The following MDGA2 variants were observed in gnomAD, a reference collection of about 807,000 sequenced individuals.
MDGA2 encodes MAM domain containing glycosylphosphatidylinositol anchor 2, also known as MAM domain-containing glycosylphosphatidylinositol anchor protein 2.
In MDGA2, 40 loss-of-function variants were observed where a neutral mutation model predicts 117.8. That is an observed-to-expected ratio of 0.34 (90% confidence interval 0.26 to 0.44). The LOEUF (loss-of-function observed/expected upper bound fraction) is 0.44. MDGA2 is among the 20% of genes least tolerant of loss of function. MDGA2 has a pLI of 1.00. For synonymous variants in MDGA2, 452 were observed against 439.0 expected (o/e 1.03, Z -0.37); for missense variants, 1,123 against 1,250.6 (o/e 0.90, Z 1.54).
chr14:47,475,880 G>A (rs1442549895), intron 1 of MDGA2, among the ~76,000 whole-genome samples: 1 of 152,118 alleles, frequency 6.6e-6, no homozygotes, highest in Non-Finnish European at 1.5e-5. Context: ...TTAATACCTA[G>A]GTGATGGGTT....
At chr14:47,007,618 T>A (rs994830480) in intron 8 of MDGA2, among the ~76,000 whole-genome samples, 9 of 151,844 alleles carry the variant, frequency 5.9e-5, no homozygotes, top group African/African-American at 1.9e-4. Context: ...CGTAGCCTGT[T>A]TAGAATGTAA....
intron 3 of MDGA2, among the ~76,000 whole-genome samples, chr14:47,193,028 A>T (rs1368825803): frequency 2.6e-5 from 4 of 152,236 alleles, no homozygotes; most frequent in African/African-American, 7.2e-5. Flanking sequence ...TGTATTTTTT[A>T]AAAATCCCAA....
intron 3 of MDGA2, among the ~76,000 whole-genome samples, chr14:47,151,133 G>C (rs1883147798): frequency 6.6e-6 from 1 of 152,138 alleles, no homozygotes; most frequent in Non-Finnish European, 1.5e-5. Context: ...AGTGCCCTCA[G>C]AATCAACTCA....
chr14:46,960,091 T>G (rs1265151257), intron 8 of MDGA2, among the ~76,000 whole-genome samples: 1 of 151,780 alleles, frequency 6.6e-6, no homozygotes, highest in Non-Finnish European at 1.5e-5. Flanking sequence ...GCATGTGGCG[T>G]GTGGCTGTAG....
intron 8 of MDGA2, among the ~76,000 whole-genome samples, chr14:47,026,065 A>G (rs964656807): frequency 6.6e-6 from 1 of 152,216 alleles, no homozygotes; most frequent in African/African-American, 2.4e-5. Flanking sequence ...GTCACATAAT[A>G]TAACCCAACG....
At chr14:47,272,904 T>C (rs1465372052) in intron 2 of MDGA2, among the ~76,000 whole-genome samples, 9 of 152,138 alleles carry the variant, frequency 5.9e-5, no homozygotes, top group Admixed American at 3.9e-4. Context: ...TGAAGGTAAT[T>C]GGTTACTATA....
At chr14:47,361,496 C>T (rs1165524922) in intron 1 of MDGA2, among the ~76,000 whole-genome samples, 1 of 152,012 alleles carries the variant, frequency 6.6e-6, no homozygotes, top group Non-Finnish European at 1.5e-5. Flanking sequence ...GCAGAGAAAA[C>T]TTTAGGGTTA....
chr14:47,184,632 T>G (rs1016915314), intron 3 of MDGA2, among the ~76,000 whole-genome samples: 7 of 151,820 alleles, frequency 4.6e-5, no homozygotes, highest in African/African-American at 1.7e-4. Context: ...CTATGACACT[T>G]CTTTAAAAAT....
chr14:47,061,462 G>T lies in MDGA2; in HGVS notation c.1312C>A (p.Leu438Ile), dbSNP rs370828108. 1.2e-6 allele frequency: 2 copies of T among 1,613,522 alleles called. No homozygotes were observed. Among genetic ancestry groups the T allele is most frequent in the South Asian group, 2.2e-5 (2 of 91,066 alleles). Reference protein sequence around the residue: ...CQVEAVPSEELTFSWFKNGRP... With the variant: ...CQVEAVPSEEITFSWFKNGRP... ...CCATTTTTAAACCAACTAAATGTTA[G>T]CTCCTCAGAAGGAACAGCTTCTACT... The change falls in exon 7 of 17, where the codon CTA becomes ATA. Residue 438 changes from leucine to isoleucine, a missense_variant. Physicochemically the swap from Leu to Ile is conservative, Grantham distance 5 (BLOSUM62 2). Transcript: ENST00000399232.
chr14:47,074,382 T>G (rs1890412982), intron 6 of MDGA2, among the ~76,000 whole-genome samples: 1 of 151,850 alleles, frequency 6.6e-6, no homozygotes. Context: ...CTCGGCTCAC[T>G]GCAAGCTCCG....
intron 1 of MDGA2, among the ~76,000 whole-genome samples, chr14:47,514,288 C>T (rs1418117065): frequency 1.3e-5 from 2 of 152,002 alleles, no homozygotes; most frequent in Non-Finnish European, 2.9e-5. Context: ...GCAATGCCCC[C>T]AAGTTCCTGA....
At chr14:46,871,938 A>C (rs972148500) in intron 14 of MDGA2, 7 of 365,798 alleles carry the variant, frequency 1.9e-5, no homozygotes, top group African/African-American at 1.4e-4. Flanking sequence ...CCTTGAGACC[A>C]GCCTGGGCAA....
At chr14:47,310,569 T>C (rs1311588184) in intron 1 of MDGA2, among the ~76,000 whole-genome samples, 2 of 152,146 alleles carry the variant, frequency 1.3e-5, no homozygotes, top group African/African-American at 4.8e-5. Flanking sequence ...TTTCCTCTTC[T>C]TTGGTATGAA....
In MDGA2 at chr14:47,131,764, A is replaced by G; in HGVS notation, c.875T>C (p.Val292Ala). ...CACCATCTTATCAGGAATATTACAT[A>G]CATTCCTCACTGAAGCAATGCAGCT... Reference protein sequence around the residue: ...NYSCIASVRNVCNIPDKMVSF... With the variant: ...NYSCIASVRNACNIPDKMVSF... The change falls in exon 5 of 17, where the codon GTA becomes GCA. Residue 292 changes from valine (V) to alanine (A), a missense_variant. Around this residue, in one of 2 missense-constraint regions of MDGA2, gnomAD observed 890 missense variants for 1,050.3 expected, o/e 0.85. Transcript: ENST00000399232. 6.3e-7 allele frequency: 1 copy of G among 1,587,778 alleles called. No homozygotes were observed. The highest frequency in any genetic ancestry group is 8.6e-7 in the Non-Finnish European group (1 of 1,161,162).
chr14:47,619,132 C>T (rs1897001351), intron 1 of MDGA2, among the ~76,000 whole-genome samples: 1 of 132,156 alleles, frequency 7.6e-6, no homozygotes, highest in East Asian at 2.7e-4. Flanking sequence ...CACACACACA[C>T]ACACACACAC....
intron 9 of MDGA2, among the ~76,000 whole-genome samples, chr14:46,931,089 C>T (rs567248896): frequency 6.6e-6 from 1 of 151,674 alleles, no homozygotes; most frequent in Admixed American, 6.6e-5. Flanking sequence ...GTGGCACGCA[C>T]CTGTAATCCC....
intron 2 of MDGA2, among the ~76,000 whole-genome samples, chr14:47,262,859 A>G (rs1887842995): frequency 6.6e-6 from 1 of 152,166 alleles, no homozygotes; most frequent in Non-Finnish European, 1.5e-5. Context: ...CTTTCTTTAC[A>G]GCTTTCTAAC....
chr14:47,265,729 A>G (rs992617831), intron 2 of MDGA2, among the ~76,000 whole-genome samples: 1 of 152,112 alleles, frequency 6.6e-6, no homozygotes, highest in Non-Finnish European at 1.5e-5. Context: ...TAGAGGAATC[A>G]CAACTCCACT....
chr14:46,931,130 G>A (rs772575106), intron 9 of MDGA2, among the ~76,000 whole-genome samples: 1 of 148,066 alleles, frequency 6.8e-6, no homozygotes, highest in African/African-American at 2.5e-5. Context: ...TAGGAGAATC[G>A]CTTGAACCAG....
Sources: allele counts gnomAD v4.1 joint callset (sites outside exome capture counted in the v4.1 genomes callset), GRCh38; gene constraint gnomAD v4.1.1; regional missense constraint gnomAD v4.1.1; transcripts MANE v1.5; gene names NCBI Gene and HGNC (gene_info 2026-07-23, HGNC 2026-07-21).